The following GNAQ variants were observed in gnomAD, a reference collection of about 807,000 sequenced individuals.
GNAQ encodes the protein guanine nucleotide-binding protein G(q) subunit alpha.
Under a neutral mutation model 43.9 loss-of-function variants are expected in GNAQ, and 8 were observed. The observed-to-expected ratio is 0.18, with a 90% CI of 0.11 to 0.33. The LOEUF is 0.33. Among genes scored for constraint, GNAQ ranks in the 10% least tolerant of loss-of-function variants. The pLI is 1.00. For missense variants in GNAQ, 158 were observed against 450.8 expected (o/e 0.35, Z 5.88); for synonymous variants, 155 against 170.7 (o/e 0.91, Z 0.71).
At chr9:77,768,767 A>AGACCT (rs534314964) in intron 5 of GNAQ, among the ~76,000 whole-genome samples, 3 of 152,168 alleles carry the variant, frequency 2.0e-5, no homozygotes, top group Non-Finnish European at 4.4e-5. Flanking sequence ...AAGCTTGGAG[A>AGACCT]GACCTCTCGG....
chr9:77,721,565 T>C (rs574519710), intron 6 of GNAQ, 52 bp from the exon 7 acceptor site: 13 of 1,045,390 alleles, frequency 1.2e-5, no homozygotes, highest in Non-Finnish European at 1.9e-5. Context: ...TGCTAATGTA[T>C]TCAATCATCA....
intron 3 of GNAQ, among the ~76,000 whole-genome samples, chr9:77,811,581 G>A (rs1051058491): frequency 3.9e-5 from 6 of 152,144 alleles, no homozygotes; most frequent in Non-Finnish European, 8.8e-5. Flanking sequence ...CCAGTTCCTG[G>A]AGCATCTGCA....
chr9:77,841,200 T>A (rs1290892273), intron 2 of GNAQ, among the ~76,000 whole-genome samples: 1 of 152,068 alleles, frequency 6.6e-6, no homozygotes, highest in East Asian at 1.9e-4. Flanking sequence ...TGCTTACCTA[T>A]AAAAGAAAAA....
rs545594019 is a variant in GNAQ at position 77,850,802 on chromosome 9, G to A, written c.322-35032C>T. Reference sequence around the variant, plus strand: ...AAAACTGCTGGTGTCCTTCATGACCGACTCAAATGCCTCCTTTTCTCTGCA... The same window carrying A: ...AAAACTGCTGGTGTCCTTCATGACCAACTCAAATGCCTCCTTTTCTCTGCA... On this transcript the variant is annotated intron_variant, in intron 2 of 6. Coordinates refer to ENST00000286548, the MANE Select transcript of GNAQ (RefSeq NM_002072.5). Among the ~76,000 whole-genome samples the A allele has an allele frequency of 3.7e-4, 56 of 152,136 alleles. 1 individual carries two copies. The highest frequency in any genetic ancestry group is 1.2e-3 in the African/African-American group (51 of 41,498).
intron 1 of GNAQ, among the ~76,000 whole-genome samples, chr9:78,021,183 GC>G (rs1823904838): frequency 6.7e-6 from 1 of 149,930 alleles, no homozygotes; most frequent in Non-Finnish European, 1.5e-5. Flanking sequence ...GGGCACCCAC[GC>G]CCAGCTAATT....
At chr9:77,832,196 C>G (rs1306364703) in intron 2 of GNAQ, among the ~76,000 whole-genome samples, 4 of 151,834 alleles carry the variant, frequency 2.6e-5, no homozygotes, top group Non-Finnish European at 4.4e-5. Context: ...TCCCTGCTTG[C>G]TAACTGATAA....
intron 2 of GNAQ, among the ~76,000 whole-genome samples, chr9:77,843,655 T>C (rs1827528505): frequency 6.6e-6 from 1 of 152,222 alleles, no homozygotes; most frequent in African/African-American, 2.4e-5. Context: ...GAACCATTTA[T>C]TCTGAAATTG....
intron 2 of GNAQ, among the ~76,000 whole-genome samples, chr9:77,839,534 G>C (rs1340507194): frequency 1.3e-5 from 2 of 152,196 alleles, no homozygotes; most frequent in Admixed American, 6.5e-5. Flanking sequence ...TCCCGAAAAA[G>C]GTAACGTTCT....
In GNAQ at chr9:77,937,393, G is replaced by T. The variant is rs181674239; in HGVS notation, c.137-15048C>A. Among the ~76,000 whole-genome samples the T allele has an allele frequency of 1.2e-3, 185 of 151,958 alleles. 5 individuals are homozygous for T. Among genetic ancestry groups the T allele is most frequent in the Admixed American group, 0.011 (173 of 15,260 alleles). ...GAGGAGGTTGCAGTGAGCCAAGATC[G>T]CACCACTGCATTCCAGCCTGGGAGA... On this transcript the variant is annotated intron_variant, in intron 1 of 6. Coordinates refer to ENST00000286548, the MANE Select transcript of GNAQ (RefSeq NM_002072.5).
At chr9:77,763,141 C>CAAACAAAAAAAAAAAAAAA (rs1462515368) in intron 5 of GNAQ, among the ~76,000 whole-genome samples, 1 of 64,838 alleles carries the variant, frequency 1.5e-5, no homozygotes, top group African/African-American at 3.5e-5. Context: ...AACAAACAAA[C>CAAACAAAAAAAAAAAAAAA]AAAAAAAAAA....
At chr9:77,881,082 A>C (rs2118066000) in intron 2 of GNAQ, among the ~76,000 whole-genome samples, 1 of 152,306 alleles carries the variant, frequency 6.6e-6, no homozygotes, top group East Asian at 1.9e-4. Flanking sequence ...AGTGAGGCTG[A>C]CATCTTACTT....
intron 2 of GNAQ, among the ~76,000 whole-genome samples, chr9:77,834,818 A>G (rs750105669): frequency 6.6e-6 from 1 of 152,150 alleles, no homozygotes; most frequent in South Asian, 2.1e-4. Context: ...CCCACTCCCA[A>G]TCTGTCTTTT....
At chr9:77,927,278 C>T (rs1587414531) in intron 1 of GNAQ, among the ~76,000 whole-genome samples, 1 of 152,118 alleles carries the variant, frequency 6.6e-6, no homozygotes, top group Admixed American at 6.5e-5. Context: ...CATTTTAAAT[C>T]CAATCATATG....
chr9:77,885,536 T>C (rs956657800), intron 2 of GNAQ, among the ~76,000 whole-genome samples: 2 of 152,174 alleles, frequency 1.3e-5, no homozygotes, highest in Admixed American at 6.5e-5. Flanking sequence ...GGGAGAAAAG[T>C]ATAAATTAGA....
chr9:78,007,472 T>C (rs1261269431), intron 1 of GNAQ, among the ~76,000 whole-genome samples: 1 of 151,796 alleles, frequency 6.6e-6, no homozygotes, highest in Non-Finnish European at 1.5e-5. Flanking sequence ...CTCTGCACCA[T>C]CTGATTTACC....
At chr9:77,948,775 A>G (rs932004556) in intron 1 of GNAQ, among the ~76,000 whole-genome samples, 9 of 152,110 alleles carry the variant, frequency 5.9e-5, no homozygotes, top group African/African-American at 1.9e-4. Flanking sequence ...ATCCTTTTTA[A>G]ATGAATATTC....
At chr9:77,847,124 A>C (rs564468163) in intron 2 of GNAQ, among the ~76,000 whole-genome samples, 5 of 152,216 alleles carry the variant, frequency 3.3e-5, no homozygotes, top group African/African-American at 9.6e-5. Flanking sequence ...ATCTAAAAAA[A>C]CTCCGACAGC....
At chr9:77,794,230 T>C (rs886812080) in intron 5 of GNAQ, among the ~76,000 whole-genome samples, 7 of 152,200 alleles carry the variant, frequency 4.6e-5, no homozygotes, top group African/African-American at 1.7e-4. Context: ...AACCTCTGCA[T>C]AGTGTTAAAA....
At chr9:77,787,782 C>G (rs1232311386) in intron 5 of GNAQ, among the ~76,000 whole-genome samples, 1 of 152,210 alleles carries the variant, frequency 6.6e-6, no homozygotes, top group Non-Finnish European at 1.5e-5. Flanking sequence ...GTTATCCCAG[C>G]ACTTTGGGAG....
Sources: gnomAD v4.1 joint callset for allele counts (sites outside exome capture counted in the v4.1 genomes callset) on GRCh38, gnomAD v4.1.1 for gene constraint, MANE v1.5 for transcripts, NCBI Gene and HGNC (gene_info 2026-07-23, HGNC 2026-07-21) for gene names.